Variants in COA1 observed in about 807,000 individuals in gnomAD.
COA1 encodes cytochrome c oxidase assembly factor 1 homolog.
Under a neutral mutation model 16.0 loss-of-function variants are expected in COA1, and 13 were observed. The ratio of observed to expected loss-of-function variants is 0.81; its 90% CI spans 0.53 to 1.29. The LOEUF (loss-of-function observed/expected upper bound fraction) is 1.29. Ranked by LOEUF, COA1 falls within the 50% of genes most tolerant of loss-of-function variation. The pLI, the probability that COA1 is intolerant of heterozygous loss-of-function variation, is 0.00. For missense variants in COA1, 179 were observed against 177.0 expected, an observed-to-expected ratio of 1.01 and a Z score of -0.06; for synonymous variants, 65 against 65.7, an observed-to-expected ratio of 0.99 and a Z score of 0.05.
chr7:43,700,529 G>GATATATATATATATATATACATACACGT (rs2094689096), intron 1 of COA1, among the ~76,000 whole-genome samples: 3 of 142,650 alleles, frequency 2.1e-5, no homozygotes, highest in Non-Finnish European at 4.6e-5. Flanking sequence ...AATGTAGGCA[G>GATATATATATATATATATACATACACGT]ATATATATAT....
intron 1 of COA1, among the ~76,000 whole-genome samples, chr7:43,663,105 C>G (rs556585594): frequency 6.6e-6 from 1 of 152,312 alleles, no homozygotes; most frequent in African/African-American, 2.4e-5. Context: ...GTGCTATCTT[C>G]ACAATAGTGA....
chr7:43,669,368 A>G (rs1455865099), intron 1 of COA1, among the ~76,000 whole-genome samples: 1 of 152,172 alleles, frequency 6.6e-6, no homozygotes, highest in Non-Finnish European at 1.5e-5. Context: ...ATGCAAATAC[A>G]GGCCATTAGA....
chr7:43,640,658 G>T lies in COA1; in HGVS notation c.265-9C>A, dbSNP rs111930870. 1.8e-3 allele frequency: 2,795 copies of T among 1,576,072 alleles called. 47 individuals are homozygous for T. The African/African-American group carries it at 0.034, about 19-fold the overall frequency. On this transcript the variant is annotated splice_polypyrimidine_tract_variant and intron_variant, in intron 4 of 5. Coordinates refer to ENST00000223336, the MANE Select transcript of COA1 (RefSeq NM_018224.4). ...GAGACAGGAATCTTCAACTGTGGGT[G>T]TAAAATGACAGAAAGGAGAGATGTA...
At chr7:43,622,426 A>G (rs1467880879) in intron 6 of COA1, 1 of 152,210 alleles carries the variant, frequency 6.6e-6, no homozygotes, top group Non-Finnish European at 1.5e-5. Context: ...TCATAGAAAT[A>G]GAACATTTTC....
intron 6 of COA1, among the ~76,000 whole-genome samples, chr7:43,629,380 T>C (rs1397422568): frequency 6.6e-6 from 1 of 152,264 alleles, no homozygotes; most frequent in African/African-American, 2.4e-5. Context: ...ACTGAATCTA[T>C]AAGTCAAGTA....
chr7:43,688,024 G>A (rs1432858740), intron 1 of COA1, among the ~76,000 whole-genome samples: 3 of 152,246 alleles, frequency 2.0e-5, no homozygotes, highest in East Asian at 1.9e-4. Flanking sequence ...AGGGGTTTCC[G>A]CTTTTGCTTC....
At chr7:43,614,163 A>G (rs575036515) in intron 6 of COA1, among the ~76,000 whole-genome samples, 4 of 152,274 alleles carry the variant, frequency 2.6e-5, no homozygotes, top group African/African-American at 9.6e-5. Flanking sequence ...TAGCCGCCAA[A>G]TCTTCTCCAG....
intron 6 of COA1, among the ~76,000 whole-genome samples, chr7:43,614,837 A>G (rs2083201548): frequency 6.6e-6 from 1 of 152,258 alleles, no homozygotes; most frequent in Non-Finnish European, 1.5e-5. Context: ...TAGGATTTAC[A>G]ACATTACCAC....
intron 1 of COA1, among the ~76,000 whole-genome samples, chr7:43,721,147 T>C (rs140271342): frequency 1.3e-5 from 2 of 152,384 alleles, no homozygotes; most frequent in East Asian, 3.9e-4. Context: ...AAAGAGTTAA[T>C]TCATAATTCT....
At chr7:43,672,928 G>C (rs1204481753) in intron 1 of COA1, among the ~76,000 whole-genome samples, 1 of 152,174 alleles carries the variant, frequency 6.6e-6, no homozygotes, top group Non-Finnish European at 1.5e-5. Context: ...AGGACTCCCT[G>C]TTCAATTAAT....
chr7:43,616,437 G>A (rs2083350484), intron 6 of COA1, among the ~76,000 whole-genome samples: 1 of 152,124 alleles, frequency 6.6e-6, no homozygotes, highest in African/African-American at 2.4e-5. Flanking sequence ...ATGTGTGGTA[G>A]GCACTGATCA....
chr7:43,701,545 C>T lies in COA1; in HGVS notation c.-39+27884G>A, dbSNP rs573484737. Among the ~76,000 whole-genome samples the T allele has an allele frequency of 7.9e-5, 12 of 152,314 alleles. 1 individual carries two copies. In the South Asian group the frequency reaches 2.3e-3, roughly 29 times the overall value. ...GGGCACCTGGGTGCCCATATCTTTG[C>T]TATTGTGAATAGTGCTGCAATAAAT... On this transcript the variant is annotated intron_variant, in intron 1 of 5. Coordinates refer to ENST00000223336, the MANE Select transcript of COA1 (RefSeq NM_018224.4).
At chr7:43,621,677 GC>G (rs1385377372) in intron 6 of COA1, among the ~76,000 whole-genome samples, 14 of 152,028 alleles carry the variant, frequency 9.2e-5, no homozygotes, top group African/African-American at 3.4e-4. Context: ...TCACTGTGTT[GC>G]CCAGGCTAGT....
At chr7:43,637,398 G>GTT (rs746685778), downstream of COA1, among the ~76,000 whole-genome samples, 20 of 152,242 alleles carry the variant, frequency 1.3e-4, no homozygotes, top group South Asian at 1.4e-3. Context: ...CAAGTCTACA[G>GTT]TTTGTATAAT....
At chr7:43,691,337 G>GAA (rs1563382922) in intron 1 of COA1, among the ~76,000 whole-genome samples, 68 of 32,980 alleles carry the variant, frequency 2.1e-3, no homozygotes, top group Admixed American at 5.2e-3. Context: ...AAGAGAAAGA[G>GAA]AGAGAGGGAG....
At chr7:43,635,580 C>A (rs1022490005), downstream of COA1, among the ~76,000 whole-genome samples, 4 of 152,196 alleles carry the variant, frequency 2.6e-5, no homozygotes, top group African/African-American at 7.2e-5. Context: ...CTTCCACTCA[C>A]AAGCCACACA....
intron 6 of COA1, among the ~76,000 whole-genome samples, chr7:43,610,962 C>T (rs529979560): frequency 2.0e-5 from 3 of 151,942 alleles, no homozygotes; most frequent in African/African-American, 7.2e-5. Flanking sequence ...ACGAAAAATA[C>T]AAAAATTAGC....
chr7:43,723,331 C>G (rs538513973), intron 1 of COA1, among the ~76,000 whole-genome samples: 1 of 152,102 alleles, frequency 6.6e-6, no homozygotes, highest in Non-Finnish European at 1.5e-5. Flanking sequence ...GCAGTTCCAA[C>G]AACAGGAGAA....
At chr7:43,611,711 A>C (rs2082895641) in intron 6 of COA1, among the ~76,000 whole-genome samples, 1 of 152,182 alleles carries the variant, frequency 6.6e-6, no homozygotes, top group African/African-American at 2.4e-5. Context: ...TTCCCAAAAT[A>C]AATGTTTATG....
Sources: allele counts gnomAD v4.1 joint callset (sites outside exome capture counted in the v4.1 genomes callset), GRCh38; gene constraint gnomAD v4.1.1; transcripts MANE v1.5; gene names NCBI Gene and HGNC (gene_info 2026-07-23, HGNC 2026-07-21).